The following S100A8 variants were observed in gnomAD, a reference collection of about 807,000 sequenced individuals.
S100A8 encodes protein S100-A8.
S100A8 carries 1 observed loss-of-function variant against 4.2 expected under a neutral mutation model. The observed-to-expected ratio is 0.24, with a 90% CI of 0.08 to 1.12. The LOEUF is 1.12. Ranked by LOEUF, S100A8 falls within the 50% of genes most tolerant of loss-of-function variation. S100A8 has a pLI of 0.53. For missense variants in S100A8, 96 were observed against 111.8 expected (o/e 0.86, Z 0.64); for synonymous variants, 41 against 44.7 (o/e 0.92, Z 0.33).
the S100A8 span, among the ~76,000 whole-genome samples, chr1:153,410,617 C>T: frequency 1.3e-5 from 2 of 152,140 alleles, no homozygotes; most frequent in African/African-American, 2.4e-5. Flanking sequence ...GGAATCCTCC[C>T]TAACTCATTT....
the S100A8 span, among the ~76,000 whole-genome samples, chr1:153,409,278 G>A: frequency 1.3e-5 from 2 of 152,102 alleles, no homozygotes; most frequent in Admixed American, 1.3e-4. Flanking sequence ...AAGGGATGAA[G>A]GAAGACCTAC....
At chr1:153,410,829 G>A in the S100A8 span, among the ~76,000 whole-genome samples, 18 of 151,932 alleles carry the variant, frequency 1.2e-4, no homozygotes, top group Admixed American at 5.2e-4. Flanking sequence ...TTCAACATAC[G>A]CAAATCATTA....
At chr1:153,418,418 A>C in the S100A8 span, among the ~76,000 whole-genome samples, 1 of 152,206 alleles carries the variant, frequency 6.6e-6, no homozygotes, top group Admixed American at 6.5e-5. Context: ...GGAAAGAGTT[A>C]TACAGATATA....
chr1:153,409,781 C>A, the S100A8 span, among the ~76,000 whole-genome samples: 1 of 152,238 alleles, frequency 6.6e-6, no homozygotes, highest in Non-Finnish European at 1.5e-5. Context: ...CAAACTGTCT[C>A]TCAGACCACA....
At chr1:153,393,963 G>A (rs142219331), upstream of S100A8, among the ~76,000 whole-genome samples, 1 of 152,158 alleles carries the variant, frequency 6.6e-6, no homozygotes, top group South Asian at 2.1e-4. Context: ...GTGAAATGTC[G>A]CCCCCTCCCC....
chr1:153,422,520 T>C, the S100A8 span: 7 of 985,218 alleles, frequency 7.1e-6, no homozygotes, highest in Non-Finnish European at 7.2e-6. Context: ...ACACTCACAT[T>C]ACAGCTGATG....
chr1:153,408,373 A>ACCTGTTT, the S100A8 span, among the ~76,000 whole-genome samples: 3 of 152,236 alleles, frequency 2.0e-5, no homozygotes, highest in African/African-American at 7.2e-5. Context: ...AAGAAAGGGT[A>ACCTGTTT]GCAGTGATTG....
chr1:153,421,902 G>A, the S100A8 span: 3 of 152,338 alleles, frequency 2.0e-5, no homozygotes, highest in South Asian at 6.2e-4. Context: ...TCTTGTCTAG[G>A]TTTTAGAAAT....
chr1:153,400,904 T>A, the S100A8 span, among the ~76,000 whole-genome samples: 1 of 152,230 alleles, frequency 6.6e-6, no homozygotes, highest in Admixed American at 6.5e-5. Flanking sequence ...AAATTTGGTA[T>A]ACCCATATGG....
At chr1:153,416,252 C>T in the S100A8 span, among the ~76,000 whole-genome samples, 3 of 152,154 alleles carry the variant, frequency 2.0e-5, no homozygotes, top group South Asian at 2.1e-4. Flanking sequence ...TCTCCCATTT[C>T]CTGACCTGTT....
At chr1:153,407,106 T>G in the S100A8 span, among the ~76,000 whole-genome samples, 6 of 152,264 alleles carry the variant, frequency 3.9e-5, no homozygotes, top group African/African-American at 1.2e-4. Flanking sequence ...TCACTGGGGC[T>G]TGTCAGACAG....
At chr1:153,408,296 C>G in the S100A8 span, among the ~76,000 whole-genome samples, 23 of 152,248 alleles carry the variant, frequency 1.5e-4, no homozygotes, top group African/African-American at 5.5e-4. Flanking sequence ...CCTGATGGAG[C>G]TGAAAACCAT....
chr1:153,411,109 A>G, the S100A8 span, among the ~76,000 whole-genome samples: 1 of 152,222 alleles, frequency 6.6e-6, no homozygotes, highest in Non-Finnish European at 1.5e-5. Flanking sequence ...TATTCAACAT[A>G]GTGTTGGAAG....
the S100A8 span, chr1:153,417,380 C>T: frequency 1.3e-5 from 2 of 152,372 alleles, no homozygotes; most frequent in East Asian, 1.9e-4. Flanking sequence ...ACTCCCACCC[C>T]ATCCAGCAGC....
the S100A8 span, among the ~76,000 whole-genome samples, chr1:153,398,579 C>A: frequency 2.6e-5 from 4 of 152,150 alleles, no homozygotes; most frequent in African/African-American, 7.2e-5. Context: ...TGCTCTGATG[C>A]CTGTGACCTC....
upstream of S100A8, among the ~76,000 whole-genome samples, chr1:153,394,944 C>T (rs947473312): frequency 2.2e-4 from 33 of 152,170 alleles, no homozygotes. Context: ...GTTCCCAGAC[C>T]AACCCTCAGA....
chr1:153,404,998 G>T, the S100A8 span, among the ~76,000 whole-genome samples: 2 of 151,992 alleles, frequency 1.3e-5, no homozygotes, highest in Non-Finnish European at 2.9e-5. Context: ...CTGGGCCTCT[G>T]ACTGGGGCCA....
chr1:153,416,611 A>G, the S100A8 span: 3,779 of 445,070 alleles, frequency 8.5e-3, 119 homozygotes, highest in African/African-American at 0.069. Flanking sequence ...CCCAGTGCCC[A>G]GCCTGCCATG....
the S100A8 span, among the ~76,000 whole-genome samples, chr1:153,405,275 C>G: frequency 2.0e-5 from 3 of 151,478 alleles, 1 homozygote; most frequent in East Asian, 1.9e-4. Flanking sequence ...AAGCAACCTC[C>G]CTTATCAGGC....
Sources: gnomAD v4.1 joint callset for allele counts (sites outside exome capture counted in the v4.1 genomes callset) on GRCh38, gnomAD v4.1.1 for gene constraint, MANE v1.5 for transcripts, NCBI Gene and HGNC (gene_info 2026-07-23, HGNC 2026-07-21) for gene names.